The following CCBE1 variants were observed in gnomAD, a reference collection of about 807,000 sequenced individuals.
CCBE1 encodes collagen and calcium-binding EGF domain-containing protein 1.
In CCBE1, 37 loss-of-function variants were observed where a neutral mutation model predicts 50.0. The ratio of observed to expected loss-of-function variants is 0.74; its 90% CI spans 0.57 to 0.97. The LOEUF (loss-of-function observed/expected upper bound fraction) is 0.97. CCBE1 is among the 50% of genes least tolerant of loss of function. The probability of loss-of-function intolerance (pLI) is 0.00; values close to 1 mark genes in which losing one functional copy is unlikely to be tolerated. For missense variants in CCBE1, 538 were observed against 523.8 expected, an observed-to-expected ratio of 1.03 and a Z score of -0.26; for synonymous variants, 234 against 203.7, an observed-to-expected ratio of 1.15 and a Z score of -1.27.
In CCBE1 at chr18:59,516,801, C is replaced by A. The variant is rs76507155; in HGVS notation, c.213-36563G>T. Among the ~76,000 whole-genome samples the A allele has an allele frequency of 8.3e-3, 1,265 of 152,302 alleles. 5 individuals carry two copies. Among genetic ancestry groups the A allele is most frequent in the Non-Finnish European group, 0.014 (920 of 68,008 alleles). ...CTGCACAGCGGCCAGAACATCACAGCAAACACACAACACACAGGTGAGTGT... is the reference window on the plus strand; with the variant it reads ...CTGCACAGCGGCCAGAACATCACAGAAAACACACAACACACAGGTGAGTGT... On this transcript the variant is annotated intron_variant, in intron 2 of 10. Transcript: ENST00000439986.
intron 2 of CCBE1, among the ~76,000 whole-genome samples, chr18:59,636,622 A>G (rs143291897): frequency 3.0e-4 from 45 of 152,384 alleles, no homozygotes; most frequent in African/African-American, 1.1e-3. Flanking sequence ...GCCTCTTTCA[A>G]GAATACAGTA....
chr18:59,653,983 C>T (rs571880782), intron 2 of CCBE1, among the ~76,000 whole-genome samples: 1 of 152,230 alleles, frequency 6.6e-6, no homozygotes, highest in East Asian at 1.9e-4. Context: ...AGCTAGAAGG[C>T]TTTACACATT....
intron 2 of CCBE1, among the ~76,000 whole-genome samples, chr18:59,506,899 G>T (rs768202932): frequency 6.6e-6 from 1 of 152,188 alleles, no homozygotes; most frequent in Non-Finnish European, 1.5e-5. Context: ...CCCAGATATA[G>T]AAGATGTTGA....
At chr18:59,607,057 G>GAAAAAA (rs59954169) in intron 2 of CCBE1, among the ~76,000 whole-genome samples, 1 of 117,374 alleles carries the variant, frequency 8.5e-6, no homozygotes, top group Non-Finnish European at 1.9e-5. Flanking sequence ...GTTGAATTGG[G>GAAAAAA]AAAAAAAAAA....
chr18:59,665,176 C>CT (rs999202731), intron 2 of CCBE1, among the ~76,000 whole-genome samples: 49 of 118,932 alleles, frequency 4.1e-4, no homozygotes, highest in Non-Finnish European at 7.3e-4. Flanking sequence ...CAACCAGAGT[C>CT]CCCCCGAGAC....
intron 2 of CCBE1, among the ~76,000 whole-genome samples, chr18:59,547,507 G>A (rs547381387): frequency 5.3e-5 from 8 of 152,206 alleles, no homozygotes; most frequent in African/African-American, 1.9e-4. Flanking sequence ...TCTGATTAGG[G>A]CATCATCAGC....
chr18:59,449,911 C>G (rs140783664), intron 6 of CCBE1, among the ~76,000 whole-genome samples: 1 of 152,118 alleles, frequency 6.6e-6, no homozygotes, highest in Non-Finnish European at 1.5e-5. Context: ...CTCAGTGTCC[C>G]GGCTGACCTC....
intron 2 of CCBE1, among the ~76,000 whole-genome samples, chr18:59,642,754 C>T (rs2054006380): frequency 6.6e-6 from 1 of 151,796 alleles, no homozygotes; most frequent in Non-Finnish European, 1.5e-5. Context: ...TCGAGAGCAG[C>T]CTGGCCAACG....
chr18:59,623,003 T>C (rs1446769122), intron 2 of CCBE1, among the ~76,000 whole-genome samples: 3 of 151,984 alleles, frequency 2.0e-5, no homozygotes. Context: ...AAAACTAACA[T>C]GAACTATGTA....
chr18:59,527,452 T>C (rs1046516527), intron 2 of CCBE1, among the ~76,000 whole-genome samples: 1 of 152,202 alleles, frequency 6.6e-6, no homozygotes, highest in Non-Finnish European at 1.5e-5. Context: ...TCTACCCAGC[T>C]TGCCATTCTG....
chr18:59,467,654 A>G (rs953843040), intron 4 of CCBE1, among the ~76,000 whole-genome samples: 1 of 152,240 alleles, frequency 6.6e-6, no homozygotes, highest in Non-Finnish European at 1.5e-5. Context: ...CCACGAGGAC[A>G]GTGGGAGGCC....
intron 2 of CCBE1, among the ~76,000 whole-genome samples, chr18:59,691,396 GA>G (rs58377437): frequency 0.83 from 125,799 of 151,632 alleles, 52,954 homozygotes; most frequent in Admixed American, 0.92. Context: ...TTCTTCACAA[GA>G]TTTTTTGTTT....
Position 59,439,808 on chromosome 18 carries a change from C to T in CCBE1, c.784G>A (p.Gly262Arg). ...GGGAAGCCTGGGCTTCCCTTTGGTC[C>T]TGGTGAGCCTGTAATCAAAGAACAC... ...PGGQGPPGSP[G>R]PKGSPGFPGM... The change falls in exon 8 of 11, where the codon GGA becomes AGA. Residue 262 changes from glycine (G) to arginine (R), a missense_variant. By Grantham distance (125) the Gly-to-Arg change is moderately radical. Transcript: ENST00000439986. The T allele has an allele frequency of 2.5e-6, 4 of 1,613,808 alleles. No individual in the cohort carries two copies. In the South Asian group the frequency reaches 3.3e-5, roughly 13 times the overall value.
intron 2 of CCBE1, among the ~76,000 whole-genome samples, chr18:59,529,124 G>A (rs77766291): frequency 2.6e-5 from 4 of 152,212 alleles, no homozygotes; most frequent in African/African-American, 9.6e-5. Flanking sequence ...CAGGGGCATC[G>A]TCCCAGGGAG....
intron 6 of CCBE1, 91 bp downstream of exon 6, chr18:59,454,760 A>C: frequency 9.0e-7 from 1 of 1,116,288 alleles, no homozygotes; most frequent in South Asian, 1.3e-5. Flanking sequence ...CTCAATGTGG[A>C]TATTTTCTTA....
chr18:59,563,306 T>C (rs2564501), intron 2 of CCBE1, among the ~76,000 whole-genome samples: 151,000 of 152,336 alleles, frequency 0.99, 74,832 homozygotes, highest in Non-Finnish European at 1. Flanking sequence ...TAAGCACAAT[T>C]AGTTTTTCTT....
At chr18:59,582,636 C>G (rs370151967) in intron 2 of CCBE1, among the ~76,000 whole-genome samples, 4 of 152,258 alleles carry the variant, frequency 2.6e-5, no homozygotes, top group African/African-American at 9.6e-5. Context: ...GCAGCAAGAT[C>G]AGCCCCAATA....
intron 2 of CCBE1, among the ~76,000 whole-genome samples, chr18:59,504,971 G>A (rs55813951): frequency 0.01 from 1,592 of 152,148 alleles, 19 homozygotes; most frequent in Non-Finnish European, 0.018. Flanking sequence ...TCCAAACCTG[G>A]GCCATACCCC....
At chr18:59,484,554 A>T (rs1396466978) in intron 2 of CCBE1, among the ~76,000 whole-genome samples, 1 of 152,258 alleles carries the variant, frequency 6.6e-6, no homozygotes, top group African/African-American at 2.4e-5. Flanking sequence ...AGTAAGAAGC[A>T]ACCTGTCATT....
Sources: allele counts gnomAD v4.1 joint callset (sites outside exome capture counted in the v4.1 genomes callset), GRCh38; gene constraint gnomAD v4.1.1; transcripts MANE v1.5; gene names NCBI Gene and HGNC (gene_info 2026-07-23, HGNC 2026-07-21).